Variants in C3orf18 observed in about 807,000 individuals in gnomAD.
C3orf18 encodes the protein uncharacterized protein C3orf18.
A neutral mutation model predicts 14.1 loss-of-function variants in C3orf18; 12 were observed. The observed-to-expected ratio is 0.85, with a 90% CI of 0.55 to 1.38. C3orf18 has a LOEUF of 1.38. Among genes scored for constraint, C3orf18 ranks in the 40% most tolerant of loss-of-function variants. The pLI, the probability that C3orf18 is intolerant of heterozygous loss-of-function variation, is 0.00. For missense variants in C3orf18, 196 were observed against 213.9 expected, an observed-to-expected ratio of 0.92 and a Z score of 0.52; for synonymous variants, 82 against 87.9, an observed-to-expected ratio of 0.93 and a Z score of 0.38.
chr3:50,558,380 G>C lies in C3orf18; in HGVS notation c.*1277C>G, dbSNP rs1163837677. Reference sequence around the variant, plus strand: ...AAAAAATGCCCTGCTCTTGTGGTCTGTCTCTGCCCAATGGCTTGCCAGGAC... The same window carrying C: ...AAAAAATGCCCTGCTCTTGTGGTCTCTCTCTGCCCAATGGCTTGCCAGGAC... On this transcript the variant is annotated 3_prime_UTR_variant, in exon 6 of 6. Coordinates refer to ENST00000357203, the MANE Select transcript of C3orf18 (RefSeq NM_016210.5). 7.4e-6 allele frequency: 2 copies of C among 269,708 alleles called. No individual in the cohort carries two copies. The highest frequency in any genetic ancestry group is 4.5e-5 in the African/African-American group (2 of 44,870). 16.7% of individuals were successfully genotyped at this position (269,708 alleles called of 1,614,324 possible).
Position 50,558,878 on chromosome 3 carries a change from G to A in C3orf18, c.*779C>T, listed in dbSNP as rs1043575347. 1.7e-5 allele frequency: 22 copies of A among 1,289,634 alleles called. No individual in the cohort carries two copies. The African/African-American group carries it at 2.0e-4, about 12-fold the overall frequency. The allele number at this position is 1,289,634 out of a possible 1,614,324, so 79.9% of individuals were successfully genotyped here. The stretch of plus-strand genomic sequence containing the variant: ...CAGTGTGGACAATCTCATTCTGCCC[G>A]CTGTGCTGGGACAGGCACATGTCTG... On this transcript the variant is annotated 3_prime_UTR_variant, in exon 6 of 6. Transcript: ENST00000357203.
chr3:50,563,310 T>TCCAGCC (rs1325767149), intron 3 of C3orf18, among the ~76,000 whole-genome samples: 15 of 152,144 alleles, frequency 9.9e-5, no homozygotes, highest in African/African-American at 3.6e-4. Flanking sequence ...AGCAAGTGGA[T>TCCAGCC]CCAGCCCCAG....
upstream of C3orf18, chr3:50,571,954 T>C (rs1279530396): frequency 5.2e-6 from 4 of 771,448 alleles, no homozygotes; most frequent in African/African-American, 5.8e-5. Flanking sequence ...GGGTACTGAA[T>C]AGGAAGAAGG....
At chr3:50,561,178 C>G in intron 4 of C3orf18, 114 bp from the exon 5 acceptor site, 2 of 1,168,992 alleles carry the variant, frequency 1.7e-6, no homozygotes, top group South Asian at 3.1e-5. Context: ...TGCTTAGGGC[C>G]TTAAGGTTTC....
chr3:50,561,140 T>C, intron 4 of C3orf18, 76 bp from the exon 5 acceptor site: 1 of 1,490,074 alleles, frequency 6.7e-7, no homozygotes, highest in Non-Finnish European at 9.2e-7. Context: ...CCCTGCCTCC[T>C]GACTAGCTGA....
chr3:50,567,906 G>C (rs985907393), upstream of C3orf18, among the ~76,000 whole-genome samples: 8 of 152,262 alleles, frequency 5.3e-5, no homozygotes, highest in Non-Finnish European at 1.2e-4. Flanking sequence ...CCCTCACCCC[G>C]TGGCCTGCGC....
upstream of C3orf18, chr3:50,570,729 G>A (rs560377999): frequency 1.1e-5 from 2 of 176,348 alleles, no homozygotes; most frequent in African/African-American, 4.7e-5. Context: ...CAGAGACTGA[G>A]CTATGGGCTC....
At position 50,559,626 on chromosome 3, in the gene C3orf18, C is replaced by G. The variant is rs770137278; in HGVS notation, c.*31G>C. ...GCTCTGTAGGCACCGTGATGGGTCTCTATCAGAAGTCCAGGCTTGTCCCAG... is the reference window on the plus strand; with the variant it reads ...GCTCTGTAGGCACCGTGATGGGTCTGTATCAGAAGTCCAGGCTTGTCCCAG... On this transcript the variant is annotated 3_prime_UTR_variant, in exon 6 of 6. Coordinates refer to ENST00000357203, the MANE Select transcript of C3orf18 (RefSeq NM_016210.5). 2.6e-6 allele frequency: 4 copies of G among 1,532,128 alleles called. No homozygotes were observed. Among genetic ancestry groups the G allele is most frequent in the Non-Finnish European group, 3.5e-6 (4 of 1,135,626 alleles). 94.9% of individuals were successfully genotyped at this position (1,532,128 alleles called of 1,614,324 possible).
chr3:50,559,526 A>G lies in C3orf18; in HGVS notation c.*131T>C. ...CAGCAGGTGGGTCTGGAGAACAGCTAGGACCTGGCTCAGCCCTCTTGTGTC... is the reference window on the plus strand; with the variant it reads ...CAGCAGGTGGGTCTGGAGAACAGCTGGGACCTGGCTCAGCCCTCTTGTGTC... On this transcript the variant is annotated 3_prime_UTR_variant, in exon 6 of 6. Transcript: ENST00000357203. The G allele has an allele frequency of 7.0e-7, 1 of 1,436,890 alleles. No individual in the cohort carries two copies. Among genetic ancestry groups the G allele is most frequent in the South Asian group, 1.5e-5 (1 of 65,068 alleles). The allele number at this position is 1,436,890 out of a possible 1,614,324, so 89.0% of individuals were successfully genotyped here. A position where few individuals can be genotyped will look rare whatever the true frequency, so the allele number is the denominator to read the frequency against.
chr3:50,559,602 C>A lies in C3orf18; in HGVS notation c.*55G>T. 1 of 1,490,048 alleles carries A rather than the reference C, an allele frequency of 6.7e-7. No individual in the cohort carries two copies. Among genetic ancestry groups the A allele is most frequent in the Non-Finnish European group, 9.0e-7 (1 of 1,112,518 alleles). 92.3% of individuals were successfully genotyped at this position (1,490,048 alleles called of 1,614,324 possible). ...GTCTTGACAATCAGGGAGTGGGGAG[C>A]TCTGTAGGCACCGTGATGGGTCTCT... On this transcript the variant is annotated 3_prime_UTR_variant, in exon 6 of 6. Transcript: ENST00000357203.
rs775162128 is a variant in C3orf18 at position 50,561,067 on chromosome 3, G to C, written c.261-3C>G. Reference sequence around the variant, plus strand: ...GCTGGTGGCGTAGCTTCTCCAGCCTGGGGATGGGGGCAAAGGCTGCTGGGG... The same window carrying C: ...GCTGGTGGCGTAGCTTCTCCAGCCTCGGGATGGGGGCAAAGGCTGCTGGGG... On this transcript the variant is annotated splice_region_variant and splice_polypyrimidine_tract_variant and intron_variant, in intron 4 of 5. Coordinates refer to ENST00000357203, the MANE Select transcript of C3orf18 (RefSeq NM_016210.5). The C allele has an allele frequency of 3.1e-6, 5 of 1,613,444 alleles. No individual in the cohort carries two copies. In the Admixed American group the frequency reaches 8.3e-5, roughly 27 times the overall value.
At position 50,561,006 on chromosome 3, in the gene C3orf18, G is replaced by A. The variant is rs750841751; in HGVS notation, c.319C>T (p.Gln107Ter). 3.1e-6 allele frequency: 5 copies of A among 1,614,072 alleles called. No individual in the cohort carries two copies. In the African/African-American group the frequency reaches 5.3e-5, roughly 17 times the overall value. ...AGCAGCTCCTGCTCCAACTCATCTT[G>A]TTCCTCCGTGGGGTCGAAGTTGTAC... ...PMYNFDPTEE[Q>*]DELEQELLEH... Residue 107 changes from glutamine to a stop codon, truncating the protein, a stop_gained, in exon 5 of 6, where the codon CAA becomes TAA. Coordinates refer to ENST00000357203, the MANE Select transcript of C3orf18 (RefSeq NM_016210.5). LOFTEE classifies it high-confidence loss of function.
At chr3:50,562,099 C>T (rs1204798497) in intron 3 of C3orf18, among the ~76,000 whole-genome samples, 1 of 152,126 alleles carries the variant, frequency 6.6e-6, no homozygotes, top group Non-Finnish European at 1.5e-5. Context: ...GGGGTTTTAC[C>T]ATGTTGGCCA....
rs1336302958 is a variant in C3orf18 at position 50,559,604 on chromosome 3, C to T, written c.*53G>A. ...CTTGACAATCAGGGAGTGGGGAGCT[C>T]TGTAGGCACCGTGATGGGTCTCTAT... On this transcript the variant is annotated 3_prime_UTR_variant, in exon 6 of 6. Transcript: ENST00000357203. 2 of 1,494,932 alleles carry T rather than the reference C, an allele frequency of 1.3e-6. No individual in the cohort carries two copies. The highest frequency in any genetic ancestry group is 2.2e-5 in the Admixed American group (1 of 44,932). 92.6% of individuals were successfully genotyped at this position (1,494,932 alleles called of 1,614,324 possible).
rs192039652 is a variant in C3orf18 at position 50,564,762 on chromosome 3, C to T, written c.234+704G>A. ...TGCCAACAGCCTCCCATGCACAGAT[C>T]ATCTTACCCAGACTCTGCAGCCCAC... On this transcript the variant is annotated intron_variant, in intron 3 of 5. Coordinates refer to ENST00000357203, the MANE Select transcript of C3orf18 (RefSeq NM_016210.5). Among the ~76,000 whole-genome samples the T allele has an allele frequency of 2.6e-4, 40 of 152,306 alleles. No homozygotes were observed. The East Asian group carries it at 7.7e-3, about 29-fold the overall frequency.
chr3:50,563,219 T>G (rs543385088), intron 3 of C3orf18, among the ~76,000 whole-genome samples: 2 of 152,190 alleles, frequency 1.3e-5, no homozygotes, highest in Admixed American at 6.5e-5. Context: ...CAGGGTTGCA[T>G]GTAGGGGTGC....
At chr3:50,570,200 C>CT (rs1320774205), upstream of C3orf18, 3 of 152,354 alleles carry the variant, frequency 2.0e-5, no homozygotes, top group East Asian at 5.8e-4. Context: ...TCTGACCCTA[C>CT]TTGTATCTGA....
At chr3:50,564,146 T>C (rs1700149362) in intron 3 of C3orf18, among the ~76,000 whole-genome samples, 1 of 152,232 alleles carries the variant, frequency 6.6e-6, no homozygotes, top group Non-Finnish European at 1.5e-5. Flanking sequence ...ACAGCCCTAC[T>C]TGTCAGAGCA....
At chr3:50,560,418 G>A (rs918844735) in intron 5 of C3orf18, among the ~76,000 whole-genome samples, 1 of 152,190 alleles carries the variant, frequency 6.6e-6, no homozygotes, top group Admixed American at 6.5e-5. Flanking sequence ...GCCTGGGTCT[G>A]TCAGCCACTG....
Sources: allele counts gnomAD v4.1 joint callset (sites outside exome capture counted in the v4.1 genomes callset), GRCh38; gene constraint gnomAD v4.1.1; transcripts MANE v1.5; gene names NCBI Gene and HGNC (gene_info 2026-07-23, HGNC 2026-07-21).